The following NTN1 variants were observed in gnomAD, a reference collection of about 807,000 sequenced individuals.
NTN1 encodes netrin 1.
A neutral mutation model predicts 54.2 loss-of-function variants in NTN1; 11 were observed. The ratio of observed to expected loss-of-function variants is 0.20; its 90% CI spans 0.13 to 0.34. The LOEUF (loss-of-function observed/expected upper bound fraction) is 0.34. Among genes scored for constraint, NTN1 ranks in the 10% least tolerant of loss-of-function variants. The pLI is 1.00. For missense variants in NTN1, 740 were observed against 893.1 expected (o/e 0.83, Z 2.18); for synonymous variants, 371 against 382.0 (o/e 0.97, Z 0.33).
At chr17:9,158,142 C>T (rs1209041025) in intron 2 of NTN1, among the ~76,000 whole-genome samples, 2 of 152,196 alleles carry the variant, frequency 1.3e-5, no homozygotes, top group Non-Finnish European at 2.9e-5. Flanking sequence ...TTGATGTCTC[C>T]TGACAGCTCC....
intron 6 of NTN1, among the ~76,000 whole-genome samples, chr17:9,230,852 C>T (rs1185473444): frequency 6.6e-6 from 1 of 152,148 alleles, no homozygotes; most frequent in Non-Finnish European, 1.5e-5. Flanking sequence ...TTCCTCTCCT[C>T]TGAGCATCCT....
At chr17:9,030,097 C>G (rs1008806305) in intron 2 of NTN1, among the ~76,000 whole-genome samples, 2 of 152,162 alleles carry the variant, frequency 1.3e-5, no homozygotes, top group Admixed American at 6.5e-5. Flanking sequence ...TGCCAGTTCT[C>G]CCCTCTGATG....
intron 2 of NTN1, among the ~76,000 whole-genome samples, chr17:9,097,729 C>T (rs1567709857): frequency 2.0e-5 from 3 of 152,146 alleles, no homozygotes; most frequent in Non-Finnish European, 4.4e-5. Flanking sequence ...AGAAAGCACA[C>T]TATTCATGCA....
chr17:9,161,893 G>T (rs1353888300), intron 2 of NTN1, among the ~76,000 whole-genome samples: 3 of 147,840 alleles, frequency 2.0e-5, no homozygotes. Context: ...AGGAGTGAAT[G>T]ATGTCGGGCA....
intron 3 of NTN1, 146 bp downstream of exon 3, chr17:9,163,147 G>GACACACACACAC (rs56255655): frequency 9.5e-6 from 5 of 524,654 alleles, no homozygotes; most frequent in African/African-American, 7.9e-5. Context: ...CTCTCTCTGT[G>GACACACACACAC]ACACACACAC....
intron 2 of NTN1, among the ~76,000 whole-genome samples, chr17:9,052,409 A>G (rs1331038567): frequency 1.3e-5 from 2 of 152,198 alleles, no homozygotes; most frequent in African/African-American, 4.8e-5. Context: ...AGAGAAACAC[A>G]TATGTGCACA....
chr17:9,137,604 C>G (rs1450885155), intron 2 of NTN1, among the ~76,000 whole-genome samples: 1 of 152,100 alleles, frequency 6.6e-6, no homozygotes, highest in Non-Finnish European at 1.5e-5. Context: ...ACCAGCCTGG[C>G]CAACATGGTG....
At chr17:9,045,324 G>A (rs757385073) in intron 2 of NTN1, among the ~76,000 whole-genome samples, 28 of 152,200 alleles carry the variant, frequency 1.8e-4, no homozygotes, top group African/African-American at 6.5e-4. Context: ...AGGCCACAGC[G>A]ACTCACTGAC....
At chr17:9,050,490 C>T (rs947114136) in intron 2 of NTN1, among the ~76,000 whole-genome samples, 5 of 150,122 alleles carry the variant, frequency 3.3e-5, no homozygotes, top group African/African-American at 1.2e-4. Context: ...GCCAACAGGA[C>T]GAAACCCCAT....
rs116737964 is a variant in NTN1, at chr17:9,057,697, G to C, written c.1018+34306G>C. Among the ~76,000 whole-genome samples the C allele has an allele frequency of 6.1e-3, 935 of 152,268 alleles. 16 individuals are homozygous for C. The highest frequency in any genetic ancestry group is 0.021 in the African/African-American group (879 of 41,548). ...CGAAGGCAGGATTGCTGCCCCACTG[G>C]GAAGCCGGCCCCACAATCAGGTTCC... On this transcript the variant is annotated intron_variant, in intron 2 of 6. Transcript: ENST00000173229.
intron 5 of NTN1, among the ~76,000 whole-genome samples, chr17:9,216,960 T>C (rs1402373528): frequency 2.0e-5 from 3 of 151,684 alleles, no homozygotes; most frequent in Admixed American, 6.6e-5. Flanking sequence ...GAGAATCGCT[T>C]GAACCCAGGA....
At chr17:9,190,624 G>A (rs1202673076) in intron 5 of NTN1, among the ~76,000 whole-genome samples, 4 of 152,198 alleles carry the variant, frequency 2.6e-5, no homozygotes, top group Non-Finnish European at 5.9e-5. Flanking sequence ...GGCCGAGGTA[G>A]GCAGATCACT....
At chr17:9,188,984 A>G (rs1904377108) in intron 5 of NTN1, among the ~76,000 whole-genome samples, 3 of 152,172 alleles carry the variant, frequency 2.0e-5, no homozygotes, top group Non-Finnish European at 2.9e-5. Context: ...TAGATAAATG[A>G]CCAGTGAAGT....
chr17:9,202,033 C>CACACACAT (rs1346697273), intron 5 of NTN1, among the ~76,000 whole-genome samples: 22 of 17,520 alleles, frequency 1.3e-3, no homozygotes, highest in Admixed American at 1.4e-3. Flanking sequence ...TAAAAATACA[C>CACACACAT]ACACACACAC....
chr17:9,005,091 C>T, the NTN1 span, among the ~76,000 whole-genome samples: 7 of 152,260 alleles, frequency 4.6e-5, no homozygotes, highest in East Asian at 3.9e-4. Flanking sequence ...CACCACTGAC[C>T]ACCAACCTTG....
intron 3 of NTN1, chr17:9,171,439 G>A (rs189847466): frequency 1.3e-5 from 2 of 152,354 alleles, no homozygotes; most frequent in Non-Finnish European, 2.9e-5. Flanking sequence ...CCACATGTTT[G>A]TGTAACGCTT....
At position 9,115,695 on chromosome 17, in the gene NTN1, C is replaced by T. The variant is rs150771482; in HGVS notation, c.1019-47118C>T. On this transcript the variant is annotated intron_variant, in intron 2 of 6. Transcript: ENST00000173229. ...CCTTCCCCCCCGGGGCGGGGACAAA[C>T]GGCTCTGACATTTCCCGGGGCCGCA... Among the ~76,000 whole-genome samples, 32 of 152,350 alleles carry T rather than the reference C, an allele frequency of 2.1e-4. 1 individual carries two copies. Among genetic ancestry groups the T allele is most frequent in the African/African-American group, 7.0e-4 (29 of 41,592 alleles).
At chr17:9,051,304 G>A (rs973587623) in intron 2 of NTN1, among the ~76,000 whole-genome samples, 1 of 152,174 alleles carries the variant, frequency 6.6e-6, no homozygotes, top group Non-Finnish European at 1.5e-5. Context: ...CCACCATCCC[G>A]GTAAACACTC....
At chr17:9,064,260 TCTAA>T (rs1485840581) in intron 2 of NTN1, among the ~76,000 whole-genome samples, 8 of 152,306 alleles carry the variant, frequency 5.3e-5, no homozygotes, top group Admixed American at 5.2e-4. Flanking sequence ...AGCCTTCTCC[TCTAA>T]CTGACTTCCA....
Sources: allele counts gnomAD v4.1 joint callset (sites outside exome capture counted in the v4.1 genomes callset), GRCh38; gene constraint gnomAD v4.1.1; transcripts MANE v1.5; gene names NCBI Gene and HGNC (gene_info 2026-07-23, HGNC 2026-07-21).